The following KCNH7 variants were observed in gnomAD, a reference collection of about 807,000 sequenced individuals.
KCNH7 encodes potassium voltage-gated channel subfamily H member 7, also known as voltage-gated inwardly rectifying potassium channel KCNH7.
Under a neutral mutation model 120.8 loss-of-function variants are expected in KCNH7, and 49 were observed. The ratio of observed to expected loss-of-function variants is 0.41; its 90% confidence interval spans 0.32 to 0.51. The LOEUF is 0.51. KCNH7 is among the 20% of genes least tolerant of loss of function. The pLI is 0.38. For synonymous variants in KCNH7, 547 were observed against 516.1 expected, an observed-to-expected ratio of 1.06 and a Z score of -0.81; for missense variants, 1,097 against 1,446.6, an observed-to-expected ratio of 0.76 and a Z score of 3.92.
chr2:162,598,474 T>C (rs1694449776), intron 2 of KCNH7, among the ~76,000 whole-genome samples: 1 of 152,088 alleles, frequency 6.6e-6, no homozygotes, highest in African/African-American at 2.4e-5. Flanking sequence ...AAATCCCTTC[T>C]AGGTATTTAA....
chr2:162,530,992 G>A (rs1382486284), intron 3 of KCNH7, among the ~76,000 whole-genome samples: 1 of 151,942 alleles, frequency 6.6e-6, no homozygotes, highest in Middle Eastern at 3.4e-3. Context: ...ATGACAGAAG[G>A]GTGTAATCAA....
chr2:162,617,456 G>A (rs7561226), intron 2 of KCNH7, among the ~76,000 whole-genome samples: 89,009 of 151,842 alleles, frequency 0.59, 26,886 homozygotes, highest in African/African-American at 0.73. Flanking sequence ...TCCAGCCTGG[G>A]CGACAGAGCG....
chr2:162,705,170 A>G (rs1051543385), intron 2 of KCNH7, among the ~76,000 whole-genome samples: 1 of 152,160 alleles, frequency 6.6e-6, no homozygotes, highest in Non-Finnish European at 1.5e-5. Flanking sequence ...GTTAAAAATG[A>G]TATATAATGT....
At chr2:162,452,033 A>G (rs895988949) in intron 6 of KCNH7, among the ~76,000 whole-genome samples, 3 of 152,124 alleles carry the variant, frequency 2.0e-5, no homozygotes, top group African/African-American at 4.8e-5. Flanking sequence ...GTTTGTAGAT[A>G]CGGAAATGAT....
At chr2:162,628,624 T>G (rs1683643350) in intron 2 of KCNH7, among the ~76,000 whole-genome samples, 1 of 152,098 alleles carries the variant, frequency 6.6e-6, no homozygotes, top group Non-Finnish European at 1.5e-5. Flanking sequence ...CCCCCGTGTG[T>G]GTTGTTCCCC....
At chr2:162,413,485 G>A (rs930643748) in intron 9 of KCNH7, among the ~76,000 whole-genome samples, 1 of 152,026 alleles carries the variant, frequency 6.6e-6, no homozygotes, top group South Asian at 2.1e-4. Flanking sequence ...GTCTAGATAT[G>A]TATCCCAATT....
At chr2:162,745,565 A>T (rs1688287314) in intron 2 of KCNH7, among the ~76,000 whole-genome samples, 1 of 152,168 alleles carries the variant, frequency 6.6e-6, no homozygotes, top group African/African-American at 2.4e-5. Context: ...AGTAAGCATG[A>T]CTTCTATTGC....
intron 2 of KCNH7, among the ~76,000 whole-genome samples, chr2:162,828,237 C>T (rs529401532): frequency 3.9e-5 from 6 of 152,138 alleles, no homozygotes; most frequent in Admixed American, 2.6e-4. Flanking sequence ...TATGCAAATA[C>T]CTTAAGATTA....
At chr2:162,660,142 C>T (rs554732121) in intron 2 of KCNH7, among the ~76,000 whole-genome samples, 16 of 152,080 alleles carry the variant, frequency 1.1e-4, no homozygotes, top group East Asian at 5.8e-4. Flanking sequence ...ACTCTAATTT[C>T]GTTATATCTT....
intron 2 of KCNH7, among the ~76,000 whole-genome samples, chr2:162,835,585 A>G (rs956284024): frequency 6.6e-6 from 1 of 152,014 alleles, no homozygotes; most frequent in African/African-American, 2.4e-5. Flanking sequence ...TTTTACCTTT[A>G]AGCCCTAGAC....
At chr2:162,707,694 A>G (rs1241157015) in intron 2 of KCNH7, among the ~76,000 whole-genome samples, 1 of 152,132 alleles carries the variant, frequency 6.6e-6, no homozygotes, top group Admixed American at 6.6e-5. Flanking sequence ...AAGAAGTATT[A>G]ATATCCTCAA....
In KCNH7 at chr2:162,371,734, G is replaced by A. The variant is rs1057508923; in HGVS notation, c.*95C>T. 1 of 1,185,736 alleles carries A rather than the reference G, an allele frequency of 8.4e-7. No homozygotes were observed. The highest frequency in any genetic ancestry group is 1.5e-5 in the African/African-American group (1 of 64,800). 73.5% of individuals were successfully genotyped at this position (1,185,736 alleles called of 1,614,324 possible). A position where few individuals can be genotyped will look rare whatever the true frequency, so the allele number is the denominator to read the frequency against. The stretch of plus-strand genomic sequence containing the variant: ...ACTTTTGCATATAATGGTACCTTGT[G>A]AGCCCCTGAGTCAAGTAGAGAGGAT... On this transcript the variant is annotated 3_prime_UTR_variant, in exon 16 of 16. Transcript: ENST00000332142.
chr2:162,665,588 T>G (rs1685105847), intron 2 of KCNH7, among the ~76,000 whole-genome samples: 1 of 152,094 alleles, frequency 6.6e-6, no homozygotes, highest in Non-Finnish European at 1.5e-5. Context: ...ATAGAAAAAT[T>G]TTCTAAATAC....
chr2:162,454,394 AG>A (rs1558953758), intron 6 of KCNH7, among the ~76,000 whole-genome samples: 1 of 152,142 alleles, frequency 6.6e-6, no homozygotes, highest in African/African-American at 2.4e-5. Context: ...TGATACCTCC[AG>A]CTTTGTTATT....
At chr2:162,587,728 C>G (rs1326430704) in intron 2 of KCNH7, among the ~76,000 whole-genome samples, 1 of 151,936 alleles carries the variant, frequency 6.6e-6, no homozygotes, top group African/African-American at 2.4e-5. Context: ...AAGCATCTCC[C>G]TTTTTGCCTT....
chr2:162,553,190 T>C (rs1013954518), intron 2 of KCNH7, among the ~76,000 whole-genome samples: 2 of 152,122 alleles, frequency 1.3e-5, no homozygotes, highest in Non-Finnish European at 2.9e-5. Context: ...GAAATTGAGT[T>C]ATGTTGACTG....
intron 2 of KCNH7, among the ~76,000 whole-genome samples, chr2:162,758,934 A>G (rs1688878210): frequency 6.6e-6 from 1 of 152,162 alleles, no homozygotes; most frequent in African/African-American, 2.4e-5. Context: ...ATCAGTTATT[A>G]TTTGAGGAAA....
At chr2:162,832,876 T>A (rs996075124) in intron 2 of KCNH7, among the ~76,000 whole-genome samples, 6 of 152,252 alleles carry the variant, frequency 3.9e-5, no homozygotes, top group Admixed American at 1.3e-4. Flanking sequence ...CTCTGAAACT[T>A]TCTACTGATA....
intron 9 of KCNH7, among the ~76,000 whole-genome samples, chr2:162,413,029 G>A (rs556210802): frequency 6.6e-6 from 1 of 152,052 alleles, no homozygotes; most frequent in South Asian, 2.1e-4. Flanking sequence ...AAGAATAAAG[G>A]TTCTTAAATA....
Sources: allele counts gnomAD v4.1 joint callset (sites outside exome capture counted in the v4.1 genomes callset), GRCh38; gene constraint gnomAD v4.1.1; transcripts MANE v1.5; gene names NCBI Gene and HGNC (gene_info 2026-07-23, HGNC 2026-07-21).